Variants in PPP2R5D observed in about 807,000 individuals in gnomAD.
PPP2R5D encodes the protein serine/threonine-protein phosphatase 2A 56 kDa regulatory subunit delta isoform.
In PPP2R5D, 12 loss-of-function variants were observed where a neutral mutation model predicts 79.1. The ratio of observed to expected loss-of-function variants is 0.15; its 90% CI spans 0.10 to 0.25. PPP2R5D has a LOEUF of 0.25. Ranked by LOEUF, PPP2R5D falls within the 10% of genes least tolerant of loss-of-function variation. The pLI, the probability that PPP2R5D is intolerant of heterozygous loss-of-function variation, is 1.00. For synonymous variants in PPP2R5D, 277 were observed against 286.6 expected, an observed-to-expected ratio of 0.97 and a Z score of 0.34; for missense variants, 419 against 760.2, an observed-to-expected ratio of 0.55 and a Z score of 5.28.
intron 2 of PPP2R5D, among the ~76,000 whole-genome samples, chr6:43,000,071 G>C (rs1006690224): frequency 6.6e-6 from 1 of 151,862 alleles, no homozygotes; most frequent in African/African-American, 2.4e-5. Context: ...GAATAGCTGG[G>C]ATTACAGGCG....
chr6:42,989,991 C>T (rs1771147345), intron 2 of PPP2R5D, among the ~76,000 whole-genome samples: 1 of 152,156 alleles, frequency 6.6e-6, no homozygotes, highest in Admixed American at 6.6e-5. Flanking sequence ...GTTCTGGGAT[C>T]CTGGGCAAAA....
At chr6:42,989,150 A>G (rs758223975) in intron 1 of PPP2R5D, among the ~76,000 whole-genome samples, 1 of 152,166 alleles carries the variant, frequency 6.6e-6, no homozygotes, top group Non-Finnish European at 1.5e-5. Flanking sequence ...ACATCCAAAA[A>G]TTGCCTCCCA....
rs1225029841 is a variant in PPP2R5D, at chr6:43,010,655, G to T, written c.1482-9G>T. 6.2e-7 allele frequency: 1 copy of T among 1,614,010 alleles called. No homozygotes were observed. The highest frequency in any genetic ancestry group is 8.5e-7 in the Non-Finnish European group (1 of 1,179,940). On this transcript the variant is annotated splice_polypyrimidine_tract_variant and intron_variant, in intron 13 of 15. Transcript: ENST00000485511. The surrounding 1 kb of genome is among the most constrained non-coding windows in gnomAD (Gnocchi z 4.7). ...CAAGCCCAACCCCAATCCTACTTTT[G>T]CTCCTCAGGGGCCGGTTCCGAATGA...
In PPP2R5D at chr6:43,005,066, T is replaced by G. The variant is rs115107919; in HGVS notation, c.106-1397T>G. ...ACCTGGCCCATAGTTTTTATAAACA[T>G]AATATTAACTCCTGATATTCCATTT... is the stretch of plus-strand genomic sequence containing the variant. On this transcript the variant is annotated intron_variant, in intron 2 of 15. Coordinates refer to ENST00000485511, the MANE Select transcript of PPP2R5D (RefSeq NM_006245.4). 5.1e-3 allele frequency among the ~76,000 whole-genome samples: 779 copies of G among 151,782 alleles called. 5 individuals are homozygous for G. Among genetic ancestry groups the G allele is most frequent in the African/African-American group, 0.018 (727 of 41,414 alleles).
At chr6:42,998,030 TATATATATATATATATATATATA>T (rs1771853682) in intron 2 of PPP2R5D, among the ~76,000 whole-genome samples, 1 of 17,404 alleles carries the variant, frequency 5.7e-5, no homozygotes, top group Non-Finnish European at 1.6e-4. Context: ...TATATATATA[TATATATATATATATATATATATA>T]TATATTTTTT....
chr6:42,984,734 G>GTAT, intron 1 of PPP2R5D, 30 bp downstream of exon 1: 1 of 1,607,110 alleles, frequency 6.2e-7, no homozygotes, highest in South Asian at 1.1e-5. Flanking sequence ...CCCCACCGCC[G>GTAT]CCTTGGAGCC....
chr6:43,010,453 TC>T lies in PPP2R5D; in HGVS notation c.1380-14del. ...GCTCTGGCCTCCTACACCTCATCTT[TC>T]TTCTTGGTGGCAGGACAATCCATGG... On this transcript the variant is annotated splice_polypyrimidine_tract_variant and intron_variant, in intron 12 of 15. Coordinates refer to ENST00000485511, the MANE Select transcript of PPP2R5D (RefSeq NM_006245.4). This position sits in a 1 kb window ranked among gnomAD's most constrained non-coding sequence, Gnocchi z 4.7. The T allele has an allele frequency of 6.2e-7, 1 of 1,612,282 alleles. No individual in the cohort carries two copies. The highest frequency in any genetic ancestry group is 1.1e-5 in the South Asian group (1 of 91,030).
rs1319780358 is a variant in PPP2R5D at position 43,009,380 on chromosome 6, A to G, written c.1310A>G (p.Asp437Gly). 6.2e-7 allele frequency: 1 copy of G among 1,613,986 alleles called. No homozygotes were observed. The highest frequency in any genetic ancestry group is 8.5e-7 in the Non-Finnish European group (1 of 1,180,018). The change falls in exon 12 of 16, where the codon GAC becomes GGC. Residue 437 changes from aspartate to glycine, a missense_variant. Asp to Gly is a moderately conservative substitution (Grantham distance 94). Around this residue, in one of 5 missense-constraint regions of PPP2R5D, gnomAD observed 196 missense variants for 424.5 expected, o/e 0.46. Coordinates refer to ENST00000485511, the MANE Select transcript of PPP2R5D (RefSeq NM_006245.4). This position sits in a 1 kb window ranked among gnomAD's most constrained non-coding sequence, Gnocchi z 5.6. ...GAGTACATCATGAGCCTGATAAGTG[A>G]CAATGCTGCCCGAGTCCTCCCCATC... ...NNEYIMSLIS[D>G]NAARVLPIMF... is the part of the protein sequence containing the mutation.
rs879034351 is a variant in PPP2R5D, at chr6:43,008,107, A to G, written c.857+42A>G. The G allele has an allele frequency of 1.9e-6, 3 of 1,613,672 alleles. No homozygotes were observed. Among genetic ancestry groups the G allele is most frequent in the Non-Finnish European group, 2.5e-6 (3 of 1,179,614 alleles). ...AGGCTTAGGAGCAAAACCTTCTGCT[A>G]CTGAGGTGGGGTGGGAGCAGGGAGG... On this transcript the variant is annotated intron_variant, in intron 7 of 15. Coordinates refer to ENST00000485511, the MANE Select transcript of PPP2R5D (RefSeq NM_006245.4). The surrounding 1 kb of genome is among the most constrained non-coding windows in gnomAD (Gnocchi z 4.2).
Position 43,009,529 on chromosome 6 carries a change from G to A in PPP2R5D, c.1379+80G>A. Reference sequence around the variant, plus strand: ...GGTATGGAAGAACTAAAGAGCCAGGGGTCTCACCTAGTCACCCAGCAAGTG... The same window carrying A: ...GGTATGGAAGAACTAAAGAGCCAGGAGTCTCACCTAGTCACCCAGCAAGTG... On this transcript the variant is annotated intron_variant, in intron 12 of 15. Coordinates refer to ENST00000485511, the MANE Select transcript of PPP2R5D (RefSeq NM_006245.4). This position sits in a 1 kb window ranked among gnomAD's most constrained non-coding sequence, Gnocchi z 5.6. 2.5e-6 allele frequency: 4 copies of A among 1,581,966 alleles called. No homozygotes were observed. The highest frequency in any genetic ancestry group is 2.2e-5 in the East Asian group (1 of 44,636).
chr6:42,996,869 T>C (rs566276842), intron 2 of PPP2R5D, among the ~76,000 whole-genome samples: 1 of 152,368 alleles, frequency 6.6e-6, no homozygotes, highest in African/African-American at 2.4e-5. Flanking sequence ...GATCTTCATT[T>C]ATTAGGCCAG....
intron 2 of PPP2R5D, among the ~76,000 whole-genome samples, chr6:42,989,967 G>A (rs931108094): frequency 6.6e-6 from 1 of 151,968 alleles, no homozygotes; most frequent in African/African-American, 2.4e-5. Flanking sequence ...TTTTCTTAGG[G>A]CAAAAAGCGG....
rs368528223 is a variant in PPP2R5D at position 43,006,907 on chromosome 6, A to G, written c.323-4A>G. ...GGAGAACCTGACTGCTGGGGCCCCC[A>G]CAGATTCGCCAACCCAGGAGCGGGA... On this transcript the variant is annotated splice_polypyrimidine_tract_variant and splice_region_variant and intron_variant, in intron 3 of 15. Coordinates refer to ENST00000485511, the MANE Select transcript of PPP2R5D (RefSeq NM_006245.4). This position sits in a 1 kb window ranked among gnomAD's most constrained non-coding sequence, Gnocchi z 4.7. The G allele has an allele frequency of 4.2e-4, 676 of 1,613,720 alleles. No individual in the cohort carries two copies. Among genetic ancestry groups the G allele is most frequent in the Non-Finnish European group, 5.1e-4 (606 of 1,180,020 alleles).
At chr6:42,990,346 A>G (rs114754270) in intron 2 of PPP2R5D, among the ~76,000 whole-genome samples, 2,851 of 152,294 alleles carry the variant, frequency 0.019, 32 homozygotes, top group South Asian at 0.03. Flanking sequence ...CATCCACCAC[A>G]TCCTACCTGG....
chr6:43,010,411 C>T lies in PPP2R5D; in HGVS notation c.1380-57C>T. On this transcript the variant is annotated intron_variant, in intron 12 of 15. Coordinates refer to ENST00000485511, the MANE Select transcript of PPP2R5D (RefSeq NM_006245.4). The surrounding 1 kb of genome is among the most constrained non-coding windows in gnomAD (Gnocchi z 4.7). ...CCCCTGTGAGAGAACAAATTGGGTT[C>T]CTCACGCTAAGGGCAGGCTCTGGCC... The T allele has an allele frequency of 9.6e-6, 14 of 1,453,266 alleles. No homozygotes were observed. The highest frequency in any genetic ancestry group is 1.1e-5 in the Non-Finnish European group (11 of 1,036,280). 90.0% of individuals were successfully genotyped at this position (1,453,266 alleles called of 1,614,324 possible).
At position 43,007,906 on chromosome 6, in the gene PPP2R5D, T is replaced by C. The variant is rs9462864; in HGVS notation, c.727-29T>C. 0.13 allele frequency: 204,656 copies of C among 1,611,426 alleles called. 21,326 individuals are homozygous for C. Among genetic ancestry groups the C allele is most frequent in the African/African-American group, 0.53 (39,762 of 74,892 alleles). On this transcript the variant is annotated intron_variant, in intron 6 of 15. Coordinates refer to ENST00000485511, the MANE Select transcript of PPP2R5D (RefSeq NM_006245.4). The surrounding 1 kb of genome is among the most constrained non-coding windows in gnomAD (Gnocchi z 4.5). Reference sequence around the variant, plus strand: ...CTGCCTTCCCTGGCTGCTGCCTCACTGGCTGCTTTCCCTCCCTTGTACCCC... The same window carrying C: ...CTGCCTTCCCTGGCTGCTGCCTCACCGGCTGCTTTCCCTCCCTTGTACCCC...
At chr6:42,997,017 T>A (rs535183009) in intron 2 of PPP2R5D, among the ~76,000 whole-genome samples, 1 of 152,226 alleles carries the variant, frequency 6.6e-6, no homozygotes, top group African/African-American at 2.4e-5. Flanking sequence ...TTTTATGTAT[T>A]TATTTTTGAG....
chr6:42,996,113 G>A (rs539363135), intron 2 of PPP2R5D, among the ~76,000 whole-genome samples: 1 of 147,472 alleles, frequency 6.8e-6, no homozygotes, highest in African/African-American at 2.5e-5. Flanking sequence ...CAAAGGGCTG[G>A]GATTATAGGC....
At position 43,008,165 on chromosome 6, in the gene PPP2R5D, C is replaced by G. The variant is rs767292738; in HGVS notation, c.858-36C>G. 93 of 1,613,002 alleles carry G rather than the reference C, an allele frequency of 5.8e-5. No individual in the cohort carries two copies. Among genetic ancestry groups the G allele is most frequent in the Non-Finnish European group, 1.7e-6 (2 of 1,179,774 alleles). On this transcript the variant is annotated intron_variant, in intron 7 of 15. Transcript: ENST00000485511. The surrounding 1 kb of genome is among the most constrained non-coding windows in gnomAD (Gnocchi z 4.2). Reference sequence around the variant, plus strand: ...ACTGTACAGAATGCTGGAGGGACATCAGGGGTTGTCAAGAGAGCCATTTTT... The same window carrying G: ...ACTGTACAGAATGCTGGAGGGACATGAGGGGTTGTCAAGAGAGCCATTTTT...
Sources: gnomAD v4.1 joint callset for allele counts (sites outside exome capture counted in the v4.1 genomes callset) on GRCh38, gnomAD v4.1.1 for gene constraint, gnomAD v4.1.1 regional missense constraint, Gnocchi (gnomAD v3.1) non-coding constraint, MANE v1.5 for transcripts, NCBI Gene and HGNC (gene_info 2026-07-23, HGNC 2026-07-21) for gene names.